PRKAG2: variants seen among roughly 807,000 people sequenced by gnomAD.
The protein encoded by PRKAG2 is 5'-AMP-activated protein kinase subunit gamma-2.
A neutral mutation model predicts 69.6 loss-of-function variants in PRKAG2; 26 were observed. The observed-to-expected ratio is 0.37, with a 90% CI of 0.27 to 0.52. PRKAG2 has a LOEUF of 0.52. Ranked by LOEUF, PRKAG2 falls within the 20% of genes least tolerant of loss-of-function variation. The pLI is 0.90. For synonymous variants in PRKAG2, 293 were observed against 285.0 expected, an observed-to-expected ratio of 1.03 and a Z score of -0.28; for missense variants, 557 against 740.0, an observed-to-expected ratio of 0.75 and a Z score of 2.87.
At chr7:151,789,168 C>A (rs1346082416) in intron 1 of PRKAG2, among the ~76,000 whole-genome samples, 2 of 151,936 alleles carry the variant, frequency 1.3e-5, no homozygotes, top group Non-Finnish European at 2.9e-5. Context: ...TTAGGATAGA[C>A]TAATTGTTCT....
At chr7:151,659,994 G>T (rs1158363905) in intron 4 of PRKAG2, among the ~76,000 whole-genome samples, 1 of 152,224 alleles carries the variant, frequency 6.6e-6, no homozygotes, top group African/African-American at 2.4e-5. Flanking sequence ...GGGAGTTCGA[G>T]GTTACAGTGA....
chr7:151,678,599 CAGG>C (rs1335948327), intron 3 of PRKAG2, among the ~76,000 whole-genome samples: 6 of 152,292 alleles, frequency 3.9e-5, no homozygotes, highest in Non-Finnish European at 8.8e-5. Context: ...TGGGTGGAAG[CAGG>C]AGGAGAGGGT....
intron 4 of PRKAG2, 172 bp downstream of exon 4, chr7:151,675,248 G>T: frequency 1.3e-6 from 1 of 749,820 alleles, no homozygotes; most frequent in Non-Finnish European, 2.3e-6. Context: ...ATTTGCTATT[G>T]TGCCCTCACC....
chr7:151,676,571 C>G (rs867667), intron 3 of PRKAG2, among the ~76,000 whole-genome samples: 97,236 of 152,018 alleles, frequency 0.64, 31,220 homozygotes, highest in South Asian at 0.69. Context: ...ACAGAAACAA[C>G]TCTATTTCTT....
At chr7:151,670,228 C>T (rs1308935188) in intron 4 of PRKAG2, among the ~76,000 whole-genome samples, 1 of 152,182 alleles carries the variant, frequency 6.6e-6, no homozygotes, top group Admixed American at 6.5e-5. Context: ...TGCTCCATAC[C>T]CCCAGAGCTG....
chr7:151,835,273 G>C lies in PRKAG2; in HGVS notation c.114+41234C>G, dbSNP rs867278176. On this transcript the variant is annotated intron_variant, in intron 1 of 15. Coordinates refer to ENST00000287878, the MANE Select transcript of PRKAG2 (RefSeq NM_016203.4). The surrounding 1 kb of genome is among the most constrained non-coding windows in gnomAD (Gnocchi z 4.1). ...GCTGTTTTCCAGGCTGGAGTGCCAT[G>C]ACACACACGATCTTGGCTCACTGCA... 2.6e-5 allele frequency among the ~76,000 whole-genome samples: 4 copies of C among 152,146 alleles called. No homozygotes were observed. Among genetic ancestry groups the C allele is most frequent in the Non-Finnish European group, 5.9e-5 (4 of 67,956 alleles).
chr7:151,711,613 CTCCA>C (rs1484564776), intron 3 of PRKAG2, among the ~76,000 whole-genome samples: 1 of 152,242 alleles, frequency 6.6e-6, no homozygotes, highest in East Asian at 1.9e-4. Flanking sequence ...TTCCTTTAAT[CTCCA>C]TCCACCAAGG....
intron 1 of PRKAG2, among the ~76,000 whole-genome samples, chr7:151,794,957 C>T (rs1276391185): frequency 6.6e-6 from 1 of 152,202 alleles, no homozygotes; most frequent in Non-Finnish European, 1.5e-5. Context: ...CAGGGGCCAA[C>T]AGTGCCTCTT....
chr7:151,570,244 A>T lies in PRKAG2; in HGVS notation c.1052-19T>A. On this transcript the variant is annotated intron_variant, in intron 9 of 15. Coordinates refer to ENST00000287878, the MANE Select transcript of PRKAG2 (RefSeq NM_016203.4). ...TAAAGCTCTGTATTTATAGAAAGAA[A>T]ATATGCAGTTAGTAACACATTTGCT... 6.3e-7 allele frequency: 1 copy of T among 1,597,764 alleles called. No individual in the cohort carries two copies. Among genetic ancestry groups the T allele is most frequent in the Non-Finnish European group, 8.6e-7 (1 of 1,168,232 alleles).
At chr7:151,797,593 A>C (rs2077619325) in intron 1 of PRKAG2, among the ~76,000 whole-genome samples, 1 of 152,200 alleles carries the variant, frequency 6.6e-6, no homozygotes, top group South Asian at 2.1e-4. Flanking sequence ...ACATCAAAAG[A>C]TTCTTCCCCA....
chr7:151,590,617 C>T (rs1812838309), intron 6 of PRKAG2, among the ~76,000 whole-genome samples: 1 of 152,202 alleles, frequency 6.6e-6, no homozygotes, highest in South Asian at 2.1e-4. Context: ...CTAGGGCAGA[C>T]GCCTAGCGTG....
At chr7:151,778,866 G>A (rs2076530719) in intron 3 of PRKAG2, among the ~76,000 whole-genome samples, 1 of 152,146 alleles carries the variant, frequency 6.6e-6, no homozygotes, top group Non-Finnish European at 1.5e-5. Flanking sequence ...ACCACTAGCA[G>A]TCCAATGCAT....
intron 3 of PRKAG2, among the ~76,000 whole-genome samples, chr7:151,711,292 CTGAGAGTACTGAGTGCTAGG>C (rs1247140768): frequency 1.0e-4 from 9 of 89,188 alleles, no homozygotes; most frequent in Admixed American, 5.4e-4. Flanking sequence ...GAGTGCTAGG[CTGAGAGTACTGAGTGCTAGG>C]TTTAGAGTAC....
At chr7:151,603,159 C>T (rs1280142815) in intron 5 of PRKAG2, among the ~76,000 whole-genome samples, 1 of 147,540 alleles carries the variant, frequency 6.8e-6, no homozygotes, top group East Asian at 2.0e-4. Flanking sequence ...GGACACGCTC[C>T]GTCCTCACCG....
intron 1 of PRKAG2, among the ~76,000 whole-genome samples, chr7:151,867,747 G>C (rs2080115010): frequency 6.6e-6 from 1 of 152,198 alleles, no homozygotes; most frequent in African/African-American, 2.4e-5. Flanking sequence ...ACAGAAACGA[G>C]TTGACTGGTT....
chr7:151,811,372 G>T (rs2078413300), intron 1 of PRKAG2, among the ~76,000 whole-genome samples: 1 of 152,250 alleles, frequency 6.6e-6, no homozygotes, highest in African/African-American at 2.4e-5. Flanking sequence ...GCCCGTGGTA[G>T]CCAGGGGGTG....
intron 1 of PRKAG2, among the ~76,000 whole-genome samples, chr7:151,865,020 G>A (rs2080026490): frequency 6.6e-6 from 1 of 152,122 alleles, no homozygotes; most frequent in African/African-American, 2.4e-5. Context: ...ATATATGAAT[G>A]TATTATATAT....
chr7:151,859,095 C>G (rs2079853723), intron 1 of PRKAG2, among the ~76,000 whole-genome samples: 1 of 152,212 alleles, frequency 6.6e-6, no homozygotes, highest in South Asian at 2.1e-4. Flanking sequence ...CCAGGTGTCT[C>G]TGGAGTCTGT....
chr7:151,845,886 T>G (rs2079419486), intron 1 of PRKAG2, among the ~76,000 whole-genome samples: 2 of 152,138 alleles, frequency 1.3e-5, no homozygotes, highest in African/African-American at 4.8e-5. Flanking sequence ...AGGGTCCCTC[T>G]CCCGGCATCT....
Sources: allele counts gnomAD v4.1 joint callset (sites outside exome capture counted in the v4.1 genomes callset), GRCh38; gene constraint gnomAD v4.1.1; non-coding constraint Gnocchi (gnomAD v3.1); transcripts MANE v1.5; gene names NCBI Gene and HGNC (gene_info 2026-07-23, HGNC 2026-07-21).